The following DPP6 variants were observed in gnomAD, a reference collection of about 807,000 sequenced individuals.
DPP6 encodes dipeptidyl peptidase like 6.
In DPP6, 69 loss-of-function variants were observed where a neutral mutation model predicts 122.6. The ratio of observed to expected loss-of-function variants is 0.56; its 90% CI spans 0.46 to 0.69. The LOEUF is 0.69. Among genes scored for constraint, DPP6 ranks in the 30% least tolerant of loss-of-function variants. The pLI, the probability that DPP6 is intolerant of heterozygous loss-of-function variation, is 0.00. For synonymous variants in DPP6, 418 were observed against 433.1 expected (o/e 0.97, Z 0.43); for missense variants, 928 against 1,116.9 (o/e 0.83, Z 2.41).
intron 1 of DPP6, among the ~76,000 whole-genome samples, chr7:153,988,416 CGT>C (rs1563077986): frequency 6.6e-6 from 1 of 151,958 alleles, no homozygotes; most frequent in Non-Finnish European, 1.5e-5. Flanking sequence ...GGTGTGGTGA[CGT>C]GTGTGTGCCT....
At chr7:154,267,100 G>A (rs1293150911) in intron 1 of DPP6, among the ~76,000 whole-genome samples, 1 of 151,926 alleles carries the variant, frequency 6.6e-6, no homozygotes, top group Admixed American at 6.6e-5. Flanking sequence ...GAATCTGGCT[G>A]TTTTCTATTG....
At chr7:154,445,777 TA>T (rs33926357) in intron 1 of DPP6, among the ~76,000 whole-genome samples, 124,708 of 147,884 alleles carry the variant, frequency 0.84, 52,388 homozygotes, top group South Asian at 0.92. Flanking sequence ...CACATGGATG[TA>T]AAAAAAAAAA....
At chr7:154,161,064 C>G (rs1796957252) in intron 1 of DPP6, among the ~76,000 whole-genome samples, 1 of 152,108 alleles carries the variant, frequency 6.6e-6, no homozygotes, top group African/African-American at 2.4e-5. Flanking sequence ...CAGCACTGCA[C>G]CACACCTTTC....
intron 8 of DPP6, among the ~76,000 whole-genome samples, chr7:154,735,283 CTT>C (rs57782813): frequency 0.067 from 10,147 of 152,224 alleles, 823 homozygotes; most frequent in African/African-American, 0.19. Context: ...AGCTGTTTTC[CTT>C]TTATGAGCCC....
chr7:154,300,617 G>A (rs1805841228), intron 1 of DPP6, among the ~76,000 whole-genome samples: 1 of 152,190 alleles, frequency 6.6e-6, no homozygotes, highest in South Asian at 2.1e-4. Flanking sequence ...GGGGTCTGAA[G>A]AGACACAGGA....
intron 4 of DPP6, among the ~76,000 whole-genome samples, chr7:154,555,031 C>A (rs1280177304): frequency 6.6e-6 from 1 of 151,978 alleles, no homozygotes; most frequent in Non-Finnish European, 1.5e-5. Flanking sequence ...TACCAAGAAC[C>A]AACCATCAGT....
the DPP6 span, among the ~76,000 whole-genome samples, chr7:153,757,642 A>G: frequency 2.0e-5 from 3 of 152,178 alleles, no homozygotes; most frequent in African/African-American, 7.2e-5. Flanking sequence ...TCAAGCTCCA[A>G]CTTCACAATA....
intron 7 of DPP6, among the ~76,000 whole-genome samples, chr7:154,701,123 T>G (rs542331694): frequency 6.6e-6 from 1 of 152,160 alleles, no homozygotes; most frequent in Admixed American, 6.5e-5. Flanking sequence ...TCCTCCAGGA[T>G]CCTCCTGGAG....
chr7:154,052,684 G>C lies in DPP6; in HGVS notation c.-137G>C, dbSNP rs1800442889. The C allele has an allele frequency of 6.6e-6, 8 of 1,220,826 alleles. No homozygotes were observed. The highest frequency in any genetic ancestry group is 8.2e-6 in the Non-Finnish European group (8 of 969,932). 75.6% of individuals were successfully genotyped at this position (1,220,826 alleles called of 1,614,324 possible). A position where few individuals can be genotyped will look rare whatever the true frequency, so the allele number is the denominator to read the frequency against. The stretch of plus-strand genomic sequence containing the variant: ...AGGAGCGGCCGCCGGCGCTGGGCTT[G>C]CCTTGCTGCTGCTGCTGCTGCTGCC... On this transcript the variant is annotated 5_prime_UTR_variant, in exon 1 of 26. Transcript: ENST00000377770. This position sits in a 1 kb window ranked among gnomAD's most constrained non-coding sequence, Gnocchi z 4.8.
chr7:153,776,658 T>A, the DPP6 span, among the ~76,000 whole-genome samples: 2 of 152,182 alleles, frequency 1.3e-5, no homozygotes, highest in African/African-American at 4.8e-5. Flanking sequence ...ACCAACTGAC[T>A]TGTTGCAAAG....
chr7:154,667,583 C>T (rs535272680), intron 6 of DPP6, among the ~76,000 whole-genome samples: 9 of 152,176 alleles, frequency 5.9e-5, no homozygotes, highest in East Asian at 1.9e-4. Flanking sequence ...ATTCGCCAGG[C>T]GTCGTGGCAG....
At chr7:154,026,816 T>TA (rs775337705) in intron 1 of DPP6, 7 of 152,264 alleles carry the variant, frequency 4.6e-5, no homozygotes, top group Non-Finnish European at 1.0e-4. Flanking sequence ...AAAGTGGTTC[T>TA]AGCCTTTCTG....
At chr7:153,764,521 T>C in the DPP6 span, among the ~76,000 whole-genome samples, 67,337 of 151,796 alleles carry the variant, frequency 0.44, 15,388 homozygotes, top group East Asian at 0.67. Context: ...CAGCGTCACA[T>C]GGTGGTTATG....
chr7:154,643,269 C>T (rs918528876), intron 6 of DPP6, among the ~76,000 whole-genome samples: 4 of 152,056 alleles, frequency 2.6e-5, no homozygotes, highest in African/African-American at 7.2e-5. Flanking sequence ...TTCTGACCTT[C>T]TGCAATTAAC....
At chr7:154,661,775 C>T (rs1446644926) in intron 6 of DPP6, among the ~76,000 whole-genome samples, 4 of 141,382 alleles carry the variant, frequency 2.8e-5, no homozygotes, top group African/African-American at 1.1e-4. Flanking sequence ...CCCTAGTGTT[C>T]ACGCAGTCAT....
chr7:154,370,418 G>A (rs571973592), intron 1 of DPP6, among the ~76,000 whole-genome samples: 8 of 152,104 alleles, frequency 5.3e-5, no homozygotes, highest in Non-Finnish European at 1.2e-4. Context: ...GGAGTTGAGA[G>A]TGGTCTCATG....
the DPP6 span, among the ~76,000 whole-genome samples, chr7:153,855,700 C>T: frequency 1.3e-5 from 2 of 152,178 alleles, no homozygotes; most frequent in African/African-American, 4.8e-5. Context: ...CCTCAACACT[C>T]AGCCAGACAT....
At chr7:154,290,173 T>TA (rs1805114491) in intron 1 of DPP6, among the ~76,000 whole-genome samples, 1 of 152,196 alleles carries the variant, frequency 6.6e-6, no homozygotes, top group Admixed American at 6.5e-5. Context: ...GGAAGAGAAT[T>TA]ATTTATGTTG....
chr7:154,647,924 G>A (rs757416885), intron 6 of DPP6, among the ~76,000 whole-genome samples: 1 of 151,972 alleles, frequency 6.6e-6, no homozygotes, highest in Non-Finnish European at 1.5e-5. Context: ...TGGTTCATGT[G>A]TGTGCTGTGC....
Sources: allele counts gnomAD v4.1 joint callset (sites outside exome capture counted in the v4.1 genomes callset), GRCh38; gene constraint gnomAD v4.1.1; non-coding constraint Gnocchi (gnomAD v3.1); transcripts MANE v1.5; gene names NCBI Gene and HGNC (gene_info 2026-07-23, HGNC 2026-07-21).